ZNF382: variants seen among roughly 807,000 people sequenced by gnomAD.
ZNF382 encodes the protein zinc finger protein 382.
Under a neutral mutation model 38.8 loss-of-function variants are expected in ZNF382, and 20 were observed. That is an observed-to-expected ratio of 0.51 (90% confidence interval 0.36 to 0.75). The LOEUF is 0.75. Among genes scored for constraint, ZNF382 ranks in the 30% least tolerant of loss-of-function variants. The probability of loss-of-function intolerance (pLI) is 0.00; values close to 1 mark genes in which losing one functional copy is unlikely to be tolerated. For synonymous variants in ZNF382, 202 were observed against 223.1 expected (o/e 0.91, Z 0.84); for missense variants, 546 against 654.1 (o/e 0.83, Z 1.80).
In ZNF382 at chr19:36,626,127, T is replaced by C; in HGVS notation, c.233-3T>C. ...TCACAGTGTTAATGGTATTCTTTTC[T>C]AGAAGAAGATGGGAAAACTGAAGAT... On this transcript the variant is annotated splice_region_variant and splice_polypyrimidine_tract_variant and intron_variant, in intron 4 of 4. Coordinates refer to ENST00000292928, the MANE Select transcript of ZNF382 (RefSeq NM_032825.5). The C allele has an allele frequency of 6.5e-7, 1 of 1,533,350 alleles. No homozygotes were observed. The highest frequency in any genetic ancestry group is 2.2e-5 in the Admixed American group (1 of 44,880). 95.0% of individuals were successfully genotyped at this position (1,533,350 alleles called of 1,614,324 possible). A position where few individuals can be genotyped will look rare whatever the true frequency, so the allele number is the denominator to read the frequency against.
In ZNF382 at chr19:36,626,480, G is replaced by A; in HGVS notation, c.583G>A (p.Gly195Ser). The A allele has an allele frequency of 6.2e-7, 1 of 1,603,420 alleles. No homozygotes were observed. The change falls in exon 5 of 5, where the codon GGT (glycine) becomes AGT (serine). Residue 195 changes from glycine to serine, a missense_variant. By Grantham distance (56) the Gly-to-Ser change is moderately conservative (BLOSUM62 0). Coordinates refer to ENST00000292928, the MANE Select transcript of ZNF382 (RefSeq NM_032825.5). ...LHKQTERVLS[G>S]KQELIQHQKV... The stretch of plus-strand genomic sequence containing the variant: ...TAAACAAACAGAAAGAGTTCTCAGT[G>A]GTAAACAGGAGCTTATTCAGCATCA...
At chr19:36,609,583 G>A (rs1416381108) in intron 2 of ZNF382, 5 of 172,272 alleles carry the variant, frequency 2.9e-5, no homozygotes, top group Non-Finnish European at 6.2e-5. Context: ...ACTTTACCTT[G>A]TACGTATTTC....
chr19:36,610,186 T>C, intron 3 of ZNF382, 133 bp downstream of exon 3: 2 of 1,144,328 alleles, frequency 1.7e-6, no homozygotes, highest in Non-Finnish European at 2.5e-6. Flanking sequence ...CCAGGCACAG[T>C]GGCTCACGCC....
chr19:36,628,934 T>C lies in ZNF382; in HGVS notation c.*1384T>C, dbSNP rs34837934. ...AGAATTAATACCAAAGAAAGGAAGA[T>C]TACAAGGAAACAAATGGGTCTTGGG... On this transcript the variant is annotated 3_prime_UTR_variant, in exon 5 of 5. Transcript: ENST00000292928. 5 of 150,876 alleles carry C rather than the reference T, an allele frequency of 3.3e-5. No homozygotes were observed. Among genetic ancestry groups the C allele is most frequent in the Non-Finnish European group, 5.9e-5 (4 of 67,842 alleles). 9.3% of individuals were successfully genotyped at this position (150,876 alleles called of 1,614,324 possible).
chr19:36,607,779 A>T, intron 2 of ZNF382, 157 bp downstream of exon 2: 1 of 765,626 alleles, frequency 1.3e-6, no homozygotes, highest in Non-Finnish European at 2.0e-6. Flanking sequence ...AAGTGGCATG[A>T]GGTGAAATAT....
intron 4 of ZNF382, among the ~76,000 whole-genome samples, chr19:36,617,533 C>T (rs117739988): frequency 0.013 from 1,972 of 152,180 alleles, 22 homozygotes; most frequent in Non-Finnish European, 0.02. Context: ...TCAATCTGTT[C>T]CTATCCAAGC....
At chr19:36,610,120 A>G (rs746666631) in intron 3 of ZNF382, 67 bp downstream of exon 3, 639 of 1,574,108 alleles carry the variant, frequency 4.1e-4, no homozygotes, top group Non-Finnish European at 5.2e-4. Flanking sequence ...AACATATAGG[A>G]CTTTGAATTT....
Position 36,630,844 on chromosome 19 carries a change from G to A in ZNF382, c.*3294G>A, listed in dbSNP as rs919362110. ...CTGTCACCTAGGCTGGAGTAGAGTG[G>A]TGCCATTATAGCTCACTGCAGACTT... On this transcript the variant is annotated 3_prime_UTR_variant, in exon 5 of 5. Coordinates refer to ENST00000292928, the MANE Select transcript of ZNF382 (RefSeq NM_032825.5). 6.6e-6 allele frequency: 1 copy of A among 151,470 alleles called. No homozygotes were observed. The highest frequency in any genetic ancestry group is 2.4e-5 in the African/African-American group (1 of 41,188). The allele number at this position is 151,470 out of a possible 1,614,324, so 9.4% of individuals were successfully genotyped here.
intron 2 of ZNF382, chr19:36,608,804 TC>T (rs1222359645): frequency 6.6e-6 from 1 of 152,304 alleles, no homozygotes; most frequent in Non-Finnish European, 1.5e-5. Context: ...TTCTTCCGTT[TC>T]CCATTTTCAC....
chr19:36,610,776 A>G (rs2037071230), intron 4 of ZNF382, 34 bp downstream of exon 4: 2 of 1,505,016 alleles, frequency 1.3e-6, no homozygotes, highest in Non-Finnish European at 1.8e-6. Context: ...TGAACATTAA[A>G]TGTCAAGTAG....
intron 4 of ZNF382, among the ~76,000 whole-genome samples, chr19:36,614,295 G>A (rs1016439999): frequency 7.9e-5 from 12 of 152,008 alleles, no homozygotes; most frequent in East Asian, 1.9e-4. Flanking sequence ...AGCCAAGACC[G>A]CGCCATTGCA....
chr19:36,625,981 T>G (rs1399666936), intron 4 of ZNF382, 149 bp from the exon 5 acceptor site: 2 of 504,098 alleles, frequency 4.0e-6, no homozygotes, highest in Non-Finnish European at 6.6e-6. Context: ...TGTATTTATG[T>G]TTATACATTT....
chr19:36,629,632 A>G lies in ZNF382; in HGVS notation c.*2082A>G, dbSNP rs534463686. ...AAGTAATTTTTTAGTATCTGTTAAT[A>G]TATAATAAAAATAAAGGTATAAGCC... On this transcript the variant is annotated 3_prime_UTR_variant, in exon 5 of 5. Transcript: ENST00000292928. 6.6e-6 allele frequency: 1 copy of G among 152,304 alleles called. No homozygotes were observed. Among genetic ancestry groups the G allele is most frequent in the East Asian group, 1.9e-4 (1 of 5,186 alleles). The allele number at this position is 152,304 out of a possible 1,614,324, so 9.4% of individuals were successfully genotyped here.
chr19:36,622,273 G>A (rs1600394493), intron 4 of ZNF382, among the ~76,000 whole-genome samples: 1 of 151,994 alleles, frequency 6.6e-6, no homozygotes, highest in Non-Finnish European at 1.5e-5. Flanking sequence ...CACCCACCTC[G>A]GCCTCCCAAA....
intron 4 of ZNF382, among the ~76,000 whole-genome samples, chr19:36,624,136 A>G (rs1600395467): frequency 6.6e-6 from 1 of 152,196 alleles, no homozygotes; most frequent in East Asian, 1.9e-4. Flanking sequence ...AAAATCGGAT[A>G]GTAGCATATA....
At position 36,627,343 on chromosome 19, in the gene ZNF382, T is replaced by A; in HGVS notation, c.1446T>A (p.His482Gln). ...GCCAGAAGGCAATCCTCACTGTTCA[T>A]CACAGAATACATACAGGAGAAAAAT... is the stretch of plus-strand genomic sequence containing the variant. ...SFRQKAILTV[H>Q]HRIHTGEKSN... Residue 482 changes from histidine to glutamine, a missense_variant, in exon 5 of 5, where the codon CAT becomes CAA. By Grantham distance (24) the His-to-Gln change is conservative. Coordinates refer to ENST00000292928, the MANE Select transcript of ZNF382 (RefSeq NM_032825.5). 6.2e-7 allele frequency: 1 copy of A among 1,614,138 alleles called. No homozygotes were observed. The highest frequency in any genetic ancestry group is 8.5e-7 in the Non-Finnish European group (1 of 1,180,016).
chr19:36,610,703 C>T lies in ZNF382; in HGVS notation c.193C>T (p.Leu65=), dbSNP rs1227726255. 5 of 1,613,292 alleles carry T rather than the reference C, an allele frequency of 3.1e-6. No homozygotes were observed. In the South Asian group the frequency reaches 5.5e-5, roughly 18 times the overall value. ...MIRKLEQGEE[L]WTQRIFPSYS... is the part of the protein sequence containing the mutation. The stretch of plus-strand genomic sequence containing the variant: ...CCGCAAGTTGGAACAAGGAGAAGAG[C>T]TATGGACACAGAGAATTTTTCCAAG... The change falls in exon 4 of 5, where the codon CTA becomes TTA. Residue 65 remains leucine (L), a synonymous_variant. Transcript: ENST00000292928.
At chr19:36,613,565 C>T (rs1250303545) in intron 4 of ZNF382, among the ~76,000 whole-genome samples, 2 of 151,830 alleles carry the variant, frequency 1.3e-5, no homozygotes, top group Admixed American at 6.6e-5. Context: ...CTCAGCCTCC[C>T]GAGTAGCTGG....
Position 36,628,573 on chromosome 19 carries a change from A to G in ZNF382, c.*1023A>G, listed in dbSNP as rs1201682377. ...AGCCCAAATCTTCCAGGCAAATGTA[A>G]TAAACGTGACATTGCCGTTAGCCAC... On this transcript the variant is annotated 3_prime_UTR_variant, in exon 5 of 5. Coordinates refer to ENST00000292928, the MANE Select transcript of ZNF382 (RefSeq NM_032825.5). 6.5e-6 allele frequency: 1 copy of G among 152,706 alleles called. No individual in the cohort carries two copies. Among genetic ancestry groups the G allele is most frequent in the Non-Finnish European group, 1.5e-5 (1 of 68,056 alleles). 9.5% of individuals were successfully genotyped at this position (152,706 alleles called of 1,614,324 possible).
Sources: gnomAD v4.1 joint callset for allele counts (sites outside exome capture counted in the v4.1 genomes callset) on GRCh38, gnomAD v4.1.1 for gene constraint, MANE v1.5 for transcripts, NCBI Gene and HGNC (gene_info 2026-07-23, HGNC 2026-07-21) for gene names.